Variants in ATXN2L observed in about 807,000 individuals in gnomAD.
ATXN2L encodes ataxin 2 like, also known as ataxin-2-like protein.
In ATXN2L, 24 loss-of-function variants were observed where a neutral mutation model predicts 120.7. The ratio of observed to expected loss-of-function variants is 0.20; its 90% CI spans 0.14 to 0.28. ATXN2L has a LOEUF of 0.28. Ranked by LOEUF, ATXN2L falls within the 10% of genes least tolerant of loss-of-function variation. ATXN2L has a pLI of 1.00. For synonymous variants in ATXN2L, 653 were observed against 568.1 expected, an observed-to-expected ratio of 1.15 and a Z score of -2.13; for missense variants, 1,312 against 1,432.3, an observed-to-expected ratio of 0.92 and a Z score of 1.36.
Position 28,834,700 on chromosome 16 carries a change from G to A in ATXN2L, c.2433+7G>A. The A allele has an allele frequency of 1.2e-6, 2 of 1,604,880 alleles. No homozygotes were observed. The highest frequency in any genetic ancestry group is 1.7e-6 in the Non-Finnish European group (2 of 1,173,902). On this transcript the variant is annotated splice_region_variant and intron_variant, in intron 18 of 21. Transcript: ENST00000336783. ...GGCCCACTACCCCTCACAGGTGACTGCGGCCCAGGAGGGCAGTGAGGATCC... is the reference window on the plus strand; with the variant it reads ...GGCCCACTACCCCTCACAGGTGACTACGGCCCAGGAGGGCAGTGAGGATCC...
rs947213939 is a variant in ATXN2L, at chr16:28,833,056, C to T, written c.1660-3C>T. ...CTGGACTGTGTGTGTTTCTCTCTTC[C>T]AGCTTCAGCCCAGTAGCTCCCCTGA... On this transcript the variant is annotated splice_polypyrimidine_tract_variant and splice_region_variant and intron_variant, in intron 13 of 21. Transcript: ENST00000336783. The T allele has an allele frequency of 1.2e-6, 2 of 1,613,158 alleles. No homozygotes were observed. Among genetic ancestry groups the T allele is most frequent in the Admixed American group, 1.7e-5 (1 of 59,892 alleles).
chr16:28,831,401 C>T (rs749308182), intron 10 of ATXN2L, among the ~76,000 whole-genome samples: 6 of 152,096 alleles, frequency 3.9e-5, no homozygotes, highest in Non-Finnish European at 7.4e-5. Flanking sequence ...CATCTCAGCT[C>T]ACTGCAGCCT....
At position 28,825,644 on chromosome 16, in the gene ATXN2L, C is replaced by T. The variant is rs752593796; in HGVS notation, c.357C>T (p.Asn119=). Residue 119 remains asparagine (N), a synonymous_variant, in exon 3 of 22, where the codon AAC becomes AAT. Transcript: ENST00000336783. ...PQSPVFEGVY[N]NSRMLHFLTA... ...GACAGGTGTTTGAAGGCGTCTACAA[C>T]AATTCCAGAATGCTGCATTTCCTTA... 7 of 1,614,204 alleles carry T rather than the reference C, an allele frequency of 4.3e-6. No individual in the cohort carries two copies. Among genetic ancestry groups the T allele is most frequent in the South Asian group, 3.3e-5 (3 of 91,082 alleles).
At chr16:28,828,771 CAG>C (rs1046052881) in intron 6 of ATXN2L, among the ~76,000 whole-genome samples, 9 of 151,712 alleles carry the variant, frequency 5.9e-5, no homozygotes, top group Non-Finnish European at 8.8e-5. Context: ...TTTTTGGAGA[CAG>C]GGTCTCACTC....
At chr16:28,831,859 T>TG (rs886262393) in intron 10 of ATXN2L, among the ~76,000 whole-genome samples, 4 of 152,202 alleles carry the variant, frequency 2.6e-5, no homozygotes, top group African/African-American at 9.7e-5. Flanking sequence ...CACTCCAGTC[T>TG]GGGGAACAGA....
chr16:28,824,392 G>T (rs1416893010), intron 1 of ATXN2L: 1 of 1,265,892 alleles, frequency 7.9e-7, no homozygotes, highest in Non-Finnish European at 1.0e-6. Flanking sequence ...GTTTTAGTGC[G>T]CAGGCGCAGA....
At position 28,832,588 on chromosome 16, in the gene ATXN2L, G is replaced by T. The variant is rs966697814; in HGVS notation, c.1588+21G>T. ...GAAAGGTGAGGGTGGTTTTTTTTCT[G>T]CTGAGGATTAATGCTCCTTTGTCTG... On this transcript the variant is annotated intron_variant, in intron 12 of 21. Coordinates refer to ENST00000336783, the MANE Select transcript of ATXN2L (RefSeq NM_007245.4). The T allele has an allele frequency of 7.5e-6, 12 of 1,610,640 alleles. 1 individual carries two copies. The highest frequency in any genetic ancestry group is 3.3e-4 in the Middle Eastern group (2 of 6,074).
chr16:28,829,630 T>A, intron 7 of ATXN2L, 138 bp downstream of exon 7: 1 of 776,246 alleles, frequency 1.3e-6, no homozygotes, highest in Non-Finnish European at 2.1e-6. Flanking sequence ...CTACTCTGCC[T>A]TGTGGAATTC....
chr16:28,826,147 A>G (rs971412325), intron 4 of ATXN2L, 93 bp from the exon 5 acceptor site: 1 of 1,496,314 alleles, frequency 6.7e-7, no homozygotes. Flanking sequence ...AGGGTAAGAG[A>G]AATCCAGTTC....
rs756041540 is a variant in ATXN2L, at chr16:28,836,309, T to C, written c.*44T>C. The C allele has an allele frequency of 1.4e-5, 22 of 1,611,322 alleles. No homozygotes were observed. The highest frequency in any genetic ancestry group is 9.4e-5 in the African/African-American group (7 of 74,842). On this transcript the variant is annotated 3_prime_UTR_variant, in exon 22 of 22. Transcript: ENST00000336783. ...CTGTCCCACAGGGCGCCCGCCGACC[T>C]GCACCTGTCTGTGAAGTATGTAGGG...
intron 6 of ATXN2L, among the ~76,000 whole-genome samples, chr16:28,828,357 C>T (rs188264674): frequency 6.6e-6 from 1 of 152,054 alleles, no homozygotes; most frequent in African/African-American, 2.4e-5. Context: ...GAGGCCAAGG[C>T]GGGCAGATCA....
chr16:28,825,580 T>G, intron 2 of ATXN2L, 44 bp from the exon 3 acceptor site: 1 of 1,597,138 alleles, frequency 6.3e-7, no homozygotes. Flanking sequence ...AATGAGGTGT[T>G]GACTGATTAC....
At chr16:28,826,007 G>C in intron 4 of ATXN2L, 166 bp downstream of exon 4, 1 of 825,032 alleles carries the variant, frequency 1.2e-6, no homozygotes, top group East Asian at 2.7e-5. Context: ...TGAGGGCTGG[G>C]TACTTTAATG....
chr16:28,833,064 G>A lies in ATXN2L; in HGVS notation c.1665G>A (p.Gln555=), dbSNP rs2055128843. The A allele has an allele frequency of 1.2e-6, 2 of 1,613,686 alleles. No homozygotes were observed. Among genetic ancestry groups the A allele is most frequent in the Non-Finnish European group, 1.7e-6 (2 of 1,179,796 alleles). Residue 555 remains glutamine, a synonymous_variant, in exon 14 of 22, where the codon CAG becomes CAA. Coordinates refer to ENST00000336783, the MANE Select transcript of ATXN2L (RefSeq NM_007245.4). ...TGTGTGTTTCTCTCTTCCAGCTTCA[G>A]CCCAGTAGCTCCCCTGAGAACAGCC... ...LRKFGAQFKL[Q]PSSSPENSLD... is the part of the protein sequence containing the mutation.
At chr16:28,824,518 C>T in intron 1 of ATXN2L, 2 of 1,288,104 alleles carry the variant, frequency 1.6e-6, no homozygotes, top group Non-Finnish European at 2.0e-6. Flanking sequence ...AGCAGGGTTA[C>T]CTGGCGATTG....
At position 28,836,842 on chromosome 16, in the gene ATXN2L, C is replaced by G; in HGVS notation, c.*577C>G. 6.3e-7 allele frequency: 1 copy of G among 1,597,178 alleles called. No homozygotes were observed. The highest frequency in any genetic ancestry group is 8.6e-7 in the Non-Finnish European group (1 of 1,167,004). ...GGGAAGAGTGATCTATGTCTCTTCCCCCAGCAGCTCGGACCACTCCCAGCC... is the reference window on the plus strand; with the variant it reads ...GGGAAGAGTGATCTATGTCTCTTCCGCCAGCAGCTCGGACCACTCCCAGCC... On this transcript the variant is annotated 3_prime_UTR_variant, in exon 22 of 22. Coordinates refer to ENST00000336783, the MANE Select transcript of ATXN2L (RefSeq NM_007245.4).
chr16:28,823,710 C>A (rs998136748), intron 1 of ATXN2L, 152 bp downstream of exon 1: 3 of 817,994 alleles, frequency 3.7e-6, no homozygotes, highest in Non-Finnish European at 3.3e-6. Flanking sequence ...CAGGTCCGAA[C>A]AGGTCGGACG....
At chr16:28,832,109 A>G (rs1048704471) in intron 10 of ATXN2L, 96 bp from the exon 11 acceptor site, 3 of 1,336,506 alleles carry the variant, frequency 2.2e-6, no homozygotes, top group Non-Finnish European at 3.1e-6. Flanking sequence ...CTCTGGTTGT[A>G]TAGTGTGTAA....
In ATXN2L at chr16:28,836,727, G is replaced by C. The variant is rs1961077189; in HGVS notation, c.*462G>C. The C allele has an allele frequency of 2.5e-6, 4 of 1,613,778 alleles. No homozygotes were observed. The Admixed American group carries it at 5.0e-5, about 20-fold the overall frequency. ...CTCTCTTCTCTTTCCCCTCCAACCAGTTCAATCTCATCCCTCCCAGCAGCT... is the reference window on the plus strand; with the variant it reads ...CTCTCTTCTCTTTCCCCTCCAACCACTTCAATCTCATCCCTCCCAGCAGCT... On this transcript the variant is annotated 3_prime_UTR_variant, in exon 22 of 22. Coordinates refer to ENST00000336783, the MANE Select transcript of ATXN2L (RefSeq NM_007245.4).
Sources: gnomAD v4.1 joint callset for allele counts (sites outside exome capture counted in the v4.1 genomes callset) on GRCh38, gnomAD v4.1.1 for gene constraint, MANE v1.5 for transcripts, NCBI Gene and HGNC (gene_info 2026-07-23, HGNC 2026-07-21) for gene names.